The following FOXK2 variants were observed in gnomAD, a reference collection of about 807,000 sequenced individuals.
FOXK2 encodes the protein forkhead box protein K2.
Under a neutral mutation model 53.3 loss-of-function variants are expected in FOXK2, and 24 were observed. That is an observed-to-expected ratio of 0.45 (90% confidence interval 0.33 to 0.63). The LOEUF (loss-of-function observed/expected upper bound fraction) is 0.63, where lower values mean the gene tolerates loss of function less well. FOXK2 is among the 30% of genes least tolerant of loss of function. The pLI, the probability that FOXK2 is intolerant of heterozygous loss-of-function variation, is 0.03. For missense variants in FOXK2, 952 were observed against 910.5 expected (o/e 1.05, Z -0.59); for synonymous variants, 505 against 407.1 (o/e 1.24, Z -2.89).
Position 82,584,118 on chromosome 17 carries a change from G to T in FOXK2, c.1209G>T (p.Glu403Asp). The change falls in exon 6 of 9, where the codon GAG becomes GAT. Residue 403 changes from glutamate to aspartate, a missense_variant. By Grantham distance (45) the Glu-to-Asp change is conservative. This residue lies in a region of FOXK2 where 551 missense variants were observed against 385.1 expected (regional missense o/e 1.43). Coordinates refer to ENST00000335255, the MANE Select transcript of FOXK2 (RefSeq NM_004514.4). Reference sequence around the variant, plus strand: ...GGGAAGGTTCGCCGGCCCCCCTGGAGCCTGAGCCTGGCGCTGCACAGCCCA... The same window carrying T: ...GGGAAGGTTCGCCGGCCCCCCTGGATCCTGAGCCTGGCGCTGCACAGCCCA... Reference protein sequence around the residue: ...LSREGSPAPLEPEPGAAQPKL... With the variant: ...LSREGSPAPLDPEPGAAQPKL... 1.9e-6 allele frequency: 3 copies of T among 1,611,214 alleles called. No individual in the cohort carries two copies. The highest frequency in any genetic ancestry group is 1.7e-6 in the Non-Finnish European group (2 of 1,179,862).
chr17:82,597,342 T>C (rs2045324818), intron 8 of FOXK2, among the ~76,000 whole-genome samples: 2 of 152,162 alleles, frequency 1.3e-5, no homozygotes, highest in Non-Finnish European at 2.9e-5. Context: ...CGTGTGTGTG[T>C]TCCTTCTCTG....
At chr17:82,526,130 G>C (rs2044416637) in intron 1 of FOXK2, among the ~76,000 whole-genome samples, 1 of 152,200 alleles carries the variant, frequency 6.6e-6, no homozygotes, top group Admixed American at 6.6e-5. Context: ...ACTGGAGAGA[G>C]ATGAGCCGAC....
chr17:82,550,072 G>A (rs1244379180), intron 1 of FOXK2, among the ~76,000 whole-genome samples: 1 of 152,178 alleles, frequency 6.6e-6, no homozygotes, highest in Non-Finnish European at 1.5e-5. Flanking sequence ...GGTGGTACGT[G>A]CCTGTAGTCC....
intron 8 of FOXK2, among the ~76,000 whole-genome samples, chr17:82,588,818 A>T (rs2143143633): frequency 6.7e-6 from 1 of 149,260 alleles, no homozygotes; most frequent in South Asian, 2.2e-4. Context: ...TGGGAGGTCG[A>T]GGTGGGTGGA....
At chr17:82,581,624 C>T (rs1029889980) in intron 4 of FOXK2, among the ~76,000 whole-genome samples, 5 of 152,070 alleles carry the variant, frequency 3.3e-5, no homozygotes, top group African/African-American at 1.2e-4. Context: ...TACAGGTGCC[C>T]GCCACTACGC....
rs2045155734 is a variant in FOXK2 at position 82,586,342 on chromosome 17, T to TGAAAGGTGGG, written c.1576+142_1576+143insGAAAGGTGGG. 8 of 342,808 alleles carry TGAAAGGTGGG rather than the reference T, an allele frequency of 2.3e-5. 1 individual carries two copies. Among genetic ancestry groups the TGAAAGGTGGG allele is most frequent in the African/African-American group, 1.3e-4 (3 of 23,286 alleles). The allele number at this position is 342,808 out of a possible 1,614,324, so 21.2% of individuals were successfully genotyped here. A position where few individuals can be genotyped will look rare whatever the true frequency, so the allele number is the denominator to read the frequency against. ...GAGGAGAGGGGAGACCACAGGGAGG[T>TGAAAGGTGGG]CAAAGGTAGGCGGAGGGGAAAGGAG... On this transcript the variant is annotated intron_variant, in intron 7 of 8. Transcript: ENST00000335255.
At chr17:82,575,301 A>G (rs917150169) in intron 4 of FOXK2, among the ~76,000 whole-genome samples, 24 of 151,906 alleles carry the variant, frequency 1.6e-4, no homozygotes, top group African/African-American at 5.6e-4. Flanking sequence ...TACCGAAGTG[A>G]TCTTCAGCAA....
chr17:82,571,842 A>G lies in FOXK2; in HGVS notation c.881A>G (p.Tyr294Cys), dbSNP rs888983760. 2 of 1,586,870 alleles carry G rather than the reference A, an allele frequency of 1.3e-6. No homozygotes were observed. Among genetic ancestry groups the G allele is most frequent in the Non-Finnish European group, 1.7e-6 (2 of 1,170,038 alleles). ...IYTHITKNYPYYRTADKGWQN... is the reference protein window; with the variant it reads ...IYTHITKNYPCYRTADKGWQN... ...ACACACATCACTAAAAATTATCCCT[A>G]CTACAGGACTGCGGACAAGGGCTGG... The change falls in exon 4 of 9, where the codon TAC (tyrosine) becomes TGC (cysteine). Residue 294 changes from tyrosine to cysteine, a missense_variant. This residue lies in a region of FOXK2 where 160 missense variants were observed against 214.2 expected (regional missense o/e 0.75). Coordinates refer to ENST00000335255, the MANE Select transcript of FOXK2 (RefSeq NM_004514.4).
chr17:82,596,163 G>C (rs998560324), intron 8 of FOXK2: 8 of 1,019,754 alleles, frequency 7.8e-6, no homozygotes, highest in Non-Finnish European at 9.4e-6. Context: ...AGGTGGTCAC[G>C]GGGTTTGCCC....
chr17:82,585,673 C>A (rs189848330), intron 6 of FOXK2, among the ~76,000 whole-genome samples: 103 of 152,182 alleles, frequency 6.8e-4, no homozygotes, highest in African/African-American at 2.5e-3. Context: ...TACCAGATAT[C>A]TAAATAGAGC....
intron 1 of FOXK2, among the ~76,000 whole-genome samples, chr17:82,533,621 C>A (rs2144056530): frequency 6.6e-6 from 1 of 152,256 alleles, no homozygotes; most frequent in South Asian, 2.1e-4. Flanking sequence ...TTCGTTGACA[C>A]CAGCATCACC....
intron 1 of FOXK2, among the ~76,000 whole-genome samples, chr17:82,528,450 T>A (rs898655955): frequency 6.6e-6 from 1 of 152,196 alleles, no homozygotes; most frequent in South Asian, 2.1e-4. Context: ...CTTTTATGTT[T>A]GGTTTTTGGA....
chr17:82,595,234 C>T lies in FOXK2; in HGVS notation c.1787-6069C>T, dbSNP rs566455328. On this transcript the variant is annotated intron_variant, in intron 8 of 8. Transcript: ENST00000335255. ...GTAAACAGATTCCCATTAGGTCGTC[C>T]TTTCCTTGTGACAGGTAATAGTGGA... is the stretch of plus-strand genomic sequence containing the variant. 3.9e-5 allele frequency among the ~76,000 whole-genome samples: 6 copies of T among 152,184 alleles called. No homozygotes were observed. In the South Asian group the frequency reaches 1.0e-3, roughly 26 times the overall value.
rs998651956 is a variant in FOXK2 at position 82,602,806 on chromosome 17, G to T, written c.*1307G>T. 1 of 152,228 alleles carries T rather than the reference G, an allele frequency of 6.6e-6. No individual in the cohort carries two copies. The highest frequency in any genetic ancestry group is 2.4e-5 in the African/African-American group (1 of 41,478). The allele number at this position is 152,228 out of a possible 1,614,324, so 9.4% of individuals were successfully genotyped here. On this transcript the variant is annotated 3_prime_UTR_variant, in exon 9 of 9. Coordinates refer to ENST00000335255, the MANE Select transcript of FOXK2 (RefSeq NM_004514.4). ...CCGCTGGCCCTTCCCGAGTGTGCCG[G>T]CCGAGGGCCGAGGGCCGTGCACATG...
intron 4 of FOXK2, among the ~76,000 whole-genome samples, chr17:82,575,404 C>T (rs1027955630): frequency 2.0e-5 from 3 of 152,166 alleles, no homozygotes; most frequent in Admixed American, 6.5e-5. Flanking sequence ...TAGGAAGGAA[C>T]GCCATTGTAG....
intron 4 of FOXK2, chr17:82,572,096 A>G (rs3751908): frequency 0.62 from 244,624 of 395,210 alleles, 76,987 homozygotes; most frequent in South Asian, 0.78. Flanking sequence ...CTAGGCCTGC[A>G]TGCTTTACTG....
chr17:82,568,124 C>G lies in FOXK2; in HGVS notation c.685C>G (p.Pro229Ala), dbSNP rs748114223. ...SSGYKVGRVMPSDLNLMADNS... is the reference protein window; with the variant it reads ...SSGYKVGRVMASDLNLMADNS... ...AGGGTACAAGGTGGGCCGAGTGATG[C>G]CATCTGACCTCAATTTAATGGCTGA... The change falls in exon 3 of 9, where the codon CCA (proline) becomes GCA (alanine). Residue 229 changes from proline (P) to alanine (A), a missense_variant. Around this residue, in one of 5 missense-constraint regions of FOXK2, gnomAD observed 160 missense variants for 214.2 expected, o/e 0.75. Coordinates refer to ENST00000335255, the MANE Select transcript of FOXK2 (RefSeq NM_004514.4). 3.7e-6 allele frequency: 6 copies of G among 1,613,804 alleles called. No individual in the cohort carries two copies. The highest frequency in any genetic ancestry group is 5.1e-6 in the Non-Finnish European group (6 of 1,180,004).
intron 8 of FOXK2, chr17:82,595,815 G>A (rs1203747155): frequency 7.8e-7 from 1 of 1,289,646 alleles, no homozygotes; most frequent in Non-Finnish European, 1.0e-6. Flanking sequence ...CCATGTGCCA[G>A]CTCAGACTGG....
intron 1 of FOXK2, among the ~76,000 whole-genome samples, chr17:82,561,526 A>G (rs2044793129): frequency 6.6e-6 from 1 of 152,152 alleles, no homozygotes; most frequent in African/African-American, 2.4e-5. Flanking sequence ...AGTGGGAACC[A>G]GAGTCTGGTG....
Sources: allele counts gnomAD v4.1 joint callset (sites outside exome capture counted in the v4.1 genomes callset), GRCh38; gene constraint gnomAD v4.1.1; regional missense constraint gnomAD v4.1.1; transcripts MANE v1.5; gene names NCBI Gene and HGNC (gene_info 2026-07-23, HGNC 2026-07-21).